The following CNPY1 variants were observed in gnomAD, a reference collection of about 807,000 sequenced individuals.
CNPY1 encodes protein canopy homolog 1.
CNPY1 carries 14 observed loss-of-function variants against 14.4 expected under a neutral mutation model. The observed-to-expected ratio is 0.97, with a 90% CI of 0.64 to 1.52. CNPY1 has a LOEUF of 1.52. CNPY1 is among the 40% of genes most tolerant of loss of function. The probability of loss-of-function intolerance (pLI) is 0.00; values close to 1 mark genes in which losing one functional copy is unlikely to be tolerated. For synonymous variants in CNPY1, 43 were observed against 46.5 expected (o/e 0.92, Z 0.31); for missense variants, 129 against 131.5 (o/e 0.98, Z 0.09).
chr7:155,503,631 T>C (rs6459702), intron 4 of CNPY1, among the ~76,000 whole-genome samples: 14,857 of 152,240 alleles, frequency 0.098, 2,364 homozygotes, highest in African/African-American at 0.34. Flanking sequence ...AATTTAACAT[T>C]CCCATTAGTT....
chr7:155,527,940 G>A (rs1796859819), intron 2 of CNPY1, among the ~76,000 whole-genome samples: 2 of 152,166 alleles, frequency 1.3e-5, no homozygotes, highest in South Asian at 2.1e-4. Flanking sequence ...AGGAGTTCAG[G>A]CTCCTTCCCC....
chr7:155,517,347 A>G (rs1282828079), intron 2 of CNPY1, among the ~76,000 whole-genome samples: 1 of 152,178 alleles, frequency 6.6e-6, no homozygotes, highest in Non-Finnish European at 1.5e-5. Context: ...GCCCTGAGAC[A>G]CCTTGATCCT....
chr7:155,508,331 G>A (rs924619231), intron 3 of CNPY1, among the ~76,000 whole-genome samples: 3 of 152,200 alleles, frequency 2.0e-5, no homozygotes, highest in East Asian at 1.9e-4. Context: ...CTTAGTTTGG[G>A]CTAGAATATT....
intron 2 of CNPY1, among the ~76,000 whole-genome samples, chr7:155,509,447 A>T (rs1332291014): frequency 6.6e-6 from 1 of 152,192 alleles, no homozygotes; most frequent in Non-Finnish European, 1.5e-5. Flanking sequence ...GGCAGTTATT[A>T]TCCATCTACT....
chr7:155,522,480 C>T lies in CNPY1; in HGVS notation c.100-13383G>A, dbSNP rs562971439. On this transcript the variant is annotated intron_variant, in intron 2 of 4. Transcript: ENST00000636446. ...CTTCCATCCCAGCTCCAGTTCCTAC[C>T]CTGAGGTTGGCGGCCCACCCCACTT... Among the ~76,000 whole-genome samples the T allele has an allele frequency of 4.6e-5, 7 of 152,368 alleles. No homozygotes were observed. In the South Asian group the frequency reaches 1.2e-3, roughly 27 times the overall value.
At chr7:155,542,876 A>G (rs1797102422) in intron 2 of CNPY1, among the ~76,000 whole-genome samples, 1 of 152,184 alleles carries the variant, frequency 6.6e-6, no homozygotes, top group African/African-American at 2.4e-5. Flanking sequence ...TCCCCTGTCC[A>G]CACTGCCCTC....
At chr7:155,523,356 G>A (rs992796602) in intron 2 of CNPY1, among the ~76,000 whole-genome samples, 2 of 152,194 alleles carry the variant, frequency 1.3e-5, no homozygotes, top group Non-Finnish European at 1.5e-5. Flanking sequence ...TCGGTGTGGC[G>A]GGGGCAGGGA....
In CNPY1 at chr7:155,529,619, T is replaced by C. The variant is rs1796900020; in HGVS notation, c.99+16212A>G. Among the ~76,000 whole-genome samples, 3 of 152,262 alleles carry C rather than the reference T, an allele frequency of 2.0e-5. No individual in the cohort carries two copies. In the South Asian group the frequency reaches 6.2e-4, roughly 32 times the overall value. On this transcript the variant is annotated intron_variant, in intron 2 of 4. Coordinates refer to ENST00000636446, the MANE Select transcript of CNPY1 (RefSeq NM_001393663.1). ...CCAGGGCCCTTGGCATTCTCCCCAG[T>C]GTGTGTCTTTGTGTCTCCATCTTAT... is the stretch of plus-strand genomic sequence containing the variant.
chr7:155,516,082 C>T (rs1381863340), intron 2 of CNPY1, among the ~76,000 whole-genome samples: 1 of 152,094 alleles, frequency 6.6e-6, no homozygotes, highest in Non-Finnish European at 1.5e-5. Context: ...TTGTCTTTGT[C>T]CCTTGATAGA....
chr7:155,532,500 A>G (rs1320939829), intron 2 of CNPY1, among the ~76,000 whole-genome samples: 2 of 152,036 alleles, frequency 1.3e-5, no homozygotes, highest in South Asian at 2.1e-4. Flanking sequence ...GGGCGCCTGT[A>G]GTCCCAGCTA....
intron 2 of CNPY1, among the ~76,000 whole-genome samples, chr7:155,517,810 G>A (rs1343105622): frequency 2.0e-5 from 3 of 152,194 alleles, no homozygotes. Flanking sequence ...GTAGAACCAG[G>A]GCGATGATAT....
At chr7:155,527,108 T>C (rs1038528822) in intron 2 of CNPY1, among the ~76,000 whole-genome samples, 6 of 136,254 alleles carry the variant, frequency 4.4e-5, no homozygotes, top group Non-Finnish European at 9.4e-5. Context: ...CTGGAGGGCA[T>C]TGGCATGATT....
chr7:155,534,853 T>TG (rs1415231046), intron 2 of CNPY1, among the ~76,000 whole-genome samples: 3 of 152,166 alleles, frequency 2.0e-5, no homozygotes, highest in Non-Finnish European at 4.4e-5. Context: ...AAGACCAGGC[T>TG]GGGGAGTCAG....
chr7:155,503,539 T>C (rs898499806), intron 4 of CNPY1, among the ~76,000 whole-genome samples: 6 of 152,148 alleles, frequency 3.9e-5, no homozygotes, highest in African/African-American at 1.4e-4. Context: ...GCAAACTCTA[T>C]CGAAAAAGGC....
At chr7:155,506,198 T>G (rs1411356665) in intron 4 of CNPY1, among the ~76,000 whole-genome samples, 2 of 152,238 alleles carry the variant, frequency 1.3e-5, no homozygotes, top group Admixed American at 6.5e-5. Flanking sequence ...ACTTCCACAT[T>G]GTTTAAAAGT....
intron 2 of CNPY1, among the ~76,000 whole-genome samples, chr7:155,522,235 C>T (rs750703522): frequency 1.3e-5 from 2 of 152,266 alleles, no homozygotes; most frequent in Non-Finnish European, 2.9e-5. Context: ...TCTGTGACAG[C>T]CTGGCGGGGT....
intron 2 of CNPY1, among the ~76,000 whole-genome samples, chr7:155,544,501 T>C (rs1332581264): frequency 1.3e-5 from 2 of 152,212 alleles, no homozygotes; most frequent in Non-Finnish European, 2.9e-5. Flanking sequence ...AGACTCAGCT[T>C]ATCTTCAAAG....
chr7:155,507,357 A>C (rs1454689128), intron 3 of CNPY1, among the ~76,000 whole-genome samples: 1 of 151,334 alleles, frequency 6.6e-6, no homozygotes, highest in African/African-American at 2.4e-5. Flanking sequence ...AAGACATGGG[A>C]GCCTGAGGAA....
intron 2 of CNPY1, among the ~76,000 whole-genome samples, chr7:155,526,267 G>A (rs148477570): frequency 1.3e-5 from 2 of 152,328 alleles, no homozygotes; most frequent in African/African-American, 4.8e-5. Context: ...GGTACACGCT[G>A]TGATGTTCAC....
Sources: gnomAD v4.1 joint callset for allele counts (sites outside exome capture counted in the v4.1 genomes callset) on GRCh38, gnomAD v4.1.1 for gene constraint, MANE v1.5 for transcripts, NCBI Gene and HGNC (gene_info 2026-07-23, HGNC 2026-07-21) for gene names.